ATP11A: variants seen among roughly 807,000 people sequenced by gnomAD.
ATP11A encodes phospholipid-transporting ATPase IH.
In ATP11A, 81 loss-of-function variants were observed where a neutral mutation model predicts 154.4. That is an observed-to-expected ratio of 0.52 (90% CI 0.44 to 0.63). The LOEUF (loss-of-function observed/expected upper bound fraction) is 0.63, where lower values mean the gene tolerates loss of function less well. Ranked by LOEUF, ATP11A falls within the 30% of genes least tolerant of loss-of-function variation. ATP11A has a pLI of 0.00. For synonymous variants in ATP11A, 623 were observed against 585.9 expected (o/e 1.06, Z -0.91); for missense variants, 1,316 against 1,474.3 (o/e 0.89, Z 1.76).
At chr13:112,790,986 T>C (rs1196758514) in intron 2 of ATP11A, among the ~76,000 whole-genome samples, 2 of 152,204 alleles carry the variant, frequency 1.3e-5, no homozygotes, top group Non-Finnish European at 2.9e-5. Flanking sequence ...TCATGATTCA[T>C]GGAAGGAGAA....
At position 112,690,409 on chromosome 13, in the gene ATP11A, G is replaced by A. The variant is rs376676104; in HGVS notation, c.-8G>A. ...CTGAACGGCGGAGCGGGAGCGGCCG[G>A]AGGAGCCATGGACTGCAGCCTCGTG... On this transcript the variant is annotated 5_prime_UTR_variant, in exon 1 of 30. Coordinates refer to ENST00000375645, the MANE Select transcript of ATP11A (RefSeq NM_015205.3). This position sits in a 1 kb window ranked among gnomAD's most constrained non-coding sequence, Gnocchi z 5.6. 1,245 of 1,307,972 alleles carry A rather than the reference G, an allele frequency of 9.5e-4. 7 individuals carry two copies. In the African/African-American group the frequency reaches 0.017, roughly 18 times the overall value. 81.0% of individuals were successfully genotyped at this position (1,307,972 alleles called of 1,614,324 possible).
chr13:112,829,379 C>T (rs1302529701), intron 12 of ATP11A, among the ~76,000 whole-genome samples: 1 of 152,230 alleles, frequency 6.6e-6, no homozygotes. Flanking sequence ...AAGGATCATA[C>T]CCCACCTGTG....
chr13:112,860,215 A>G, intron 23 of ATP11A, 72 bp from the exon 24 acceptor site: 4 of 1,536,188 alleles, frequency 2.6e-6, no homozygotes. Flanking sequence ...AAGAAAATAT[A>G]TTTAATCAAA....
chr13:112,881,318 C>T (rs2080877882), intron 29 of ATP11A: 1 of 1,007,412 alleles, frequency 9.9e-7, no homozygotes, highest in Admixed American at 5.3e-5. Flanking sequence ...TGGTGACATC[C>T]TAGGCAACAT....
At chr13:112,738,469 T>C (rs1273367154) in intron 1 of ATP11A, among the ~76,000 whole-genome samples, 2 of 152,252 alleles carry the variant, frequency 1.3e-5, no homozygotes, top group Non-Finnish European at 2.9e-5. Context: ...GAACCTGAGA[T>C]TATTGCCATA....
chr13:112,783,900 GAGATGGTC>G (rs1310605344), intron 1 of ATP11A, among the ~76,000 whole-genome samples: 3 of 152,224 alleles, frequency 2.0e-5, no homozygotes, highest in South Asian at 2.1e-4. Flanking sequence ...GAGTAATACA[GAGATGGTC>G]AGGCCCAAGT....
intron 1 of ATP11A, among the ~76,000 whole-genome samples, chr13:112,702,561 C>G (rs771424024): frequency 3.3e-5 from 5 of 152,196 alleles, no homozygotes; most frequent in Admixed American, 6.5e-5. Flanking sequence ...GCTTCTTGTC[C>G]CTTCTGTCTG....
chr13:112,828,147 A>T, intron 12 of ATP11A, among the ~76,000 whole-genome samples: 1 of 87,406 alleles, frequency 1.1e-5, no homozygotes, highest in Non-Finnish European at 2.2e-5. Flanking sequence ...AGTAGGGGGG[A>T]AAGCGCCCAG....
intron 1 of ATP11A, among the ~76,000 whole-genome samples, chr13:112,727,424 A>G (rs1890000639): frequency 6.6e-6 from 1 of 152,198 alleles, no homozygotes; most frequent in Non-Finnish European, 1.5e-5. Flanking sequence ...TCAACCAGCA[A>G]TTACTGAGAA....
At chr13:112,844,760 G>A (rs9604458) in intron 17 of ATP11A, among the ~76,000 whole-genome samples, 2,228 of 102,664 alleles carry the variant, frequency 0.022, 77 homozygotes, top group African/African-American at 0.076. Flanking sequence ...TCCAAGTGCC[G>A]GGCACTAGCA....
rs904607557 is a variant in ATP11A at position 112,747,854 on chromosome 13, A to G, written c.40-37281A>G. Among the ~76,000 whole-genome samples the G allele has an allele frequency of 3.3e-5, 5 of 151,708 alleles. No homozygotes were observed. In the East Asian group the frequency reaches 9.6e-4, roughly 29 times the overall value. ...CTCCATCTCAAAAAAAAAACAAAAC[A>G]AAACGAAGGAACACAGGATTGTATG... is the stretch of plus-strand genomic sequence containing the variant. On this transcript the variant is annotated intron_variant, in intron 1 of 29. Coordinates refer to ENST00000375645, the MANE Select transcript of ATP11A (RefSeq NM_015205.3).
At chr13:112,783,450 C>A (rs1428665392) in intron 1 of ATP11A, among the ~76,000 whole-genome samples, 1 of 152,236 alleles carries the variant, frequency 6.6e-6, no homozygotes, top group African/African-American at 2.4e-5. Flanking sequence ...TGAGAAAGTG[C>A]TGGTGTCCCC....
intron 12 of ATP11A, 148 bp downstream of exon 12, chr13:112,827,039 TG>T: frequency 1.3e-6 from 1 of 751,578 alleles, no homozygotes; most frequent in Non-Finnish European, 2.2e-6. Flanking sequence ...ACCCTATTTA[TG>T]AAACAGTCAG....
intron 1 of ATP11A, among the ~76,000 whole-genome samples, chr13:112,707,521 G>A (rs1887282450): frequency 6.6e-6 from 1 of 151,968 alleles, no homozygotes; most frequent in Admixed American, 6.6e-5. Context: ...GACCAACTGA[G>A]AGCAGTCATT....
At chr13:112,772,564 C>G (rs11619367) in intron 1 of ATP11A, among the ~76,000 whole-genome samples, 1 of 78,116 alleles carries the variant, frequency 1.3e-5, no homozygotes, top group African/African-American at 3.2e-5. Context: ...AGTACCAGGC[C>G]CTCCCAAGTG....
chr13:112,798,059 T>C (rs1450294216), intron 2 of ATP11A, among the ~76,000 whole-genome samples: 1 of 152,168 alleles, frequency 6.6e-6, no homozygotes, highest in African/African-American at 2.4e-5. Context: ...TGTCCTTATG[T>C]GGCAGAAGGC....
At chr13:112,881,428 A>G (rs9549317) in intron 29 of ATP11A, 454,560 of 1,041,258 alleles carry the variant, frequency 0.44, 99,773 homozygotes, top group Admixed American at 0.47. Context: ...CCTTTTGTTC[A>G]AGGGTCTCTG....
At chr13:112,711,520 A>G (rs1887748125) in intron 1 of ATP11A, among the ~76,000 whole-genome samples, 1 of 144,822 alleles carries the variant, frequency 6.9e-6, no homozygotes, top group African/African-American at 2.5e-5. Flanking sequence ...ACCTGATGAG[A>G]AAAAAAAAAA....
chr13:112,826,325 T>C (rs2078932986), intron 11 of ATP11A, among the ~76,000 whole-genome samples: 1 of 152,250 alleles, frequency 6.6e-6, no homozygotes, highest in South Asian at 2.1e-4. Context: ...TGTAGGTTGT[T>C]ACCAAGTATG....
Sources: allele counts gnomAD v4.1 joint callset (sites outside exome capture counted in the v4.1 genomes callset), GRCh38; gene constraint gnomAD v4.1.1; non-coding constraint Gnocchi (gnomAD v3.1); transcripts MANE v1.5; gene names NCBI Gene and HGNC (gene_info 2026-07-23, HGNC 2026-07-21).